Variants in YES1 observed in about 807,000 individuals in gnomAD.
YES1 encodes YES proto-oncogene 1, Src family tyrosine kinase.
YES1 carries 39 observed loss-of-function variants against 70.4 expected under a neutral mutation model. The ratio of observed to expected loss-of-function variants is 0.55; its 90% CI spans 0.43 to 0.72. The LOEUF (loss-of-function observed/expected upper bound fraction) is 0.72. Among genes scored for constraint, YES1 ranks in the 30% least tolerant of loss-of-function variants. The pLI, the probability that YES1 is intolerant of heterozygous loss-of-function variation, is 0.00. For missense variants in YES1, 495 were observed against 644.8 expected, an observed-to-expected ratio of 0.77 and a Z score of 2.52; for synonymous variants, 198 against 218.6, an observed-to-expected ratio of 0.91 and a Z score of 0.83.
rs533696717 is a variant in YES1, at chr18:802,490, G to A, written c.-9+9624C>T. On this transcript the variant is annotated intron_variant, in intron 1 of 11. Transcript: ENST00000314574. ...ACCTGGGAGGCAGAGGTTGCAGTGA[G>A]CGGAGACCACACTATTGCACCCCAG... Among the ~76,000 whole-genome samples, 51 of 150,774 alleles carry A rather than the reference G, an allele frequency of 3.4e-4. 1 individual carries two copies. The highest frequency in any genetic ancestry group is 1.2e-3 in the African/African-American group (50 of 40,930).
At chr18:777,978 G>GT (rs1905469823) in intron 1 of YES1, among the ~76,000 whole-genome samples, 1 of 152,090 alleles carries the variant, frequency 6.6e-6, no homozygotes, top group South Asian at 2.1e-4. Flanking sequence ...GTTGTACAGT[G>GT]TTACACTGTT....
At chr18:735,572 GGT>G (rs35119453) in intron 10 of YES1, among the ~76,000 whole-genome samples, 3,454 of 152,092 alleles carry the variant, frequency 0.023, 137 homozygotes, top group African/African-American at 0.079. Flanking sequence ...AAATTAGCTG[GGT>G]GTGGTGGTAC....
intron 1 of YES1, among the ~76,000 whole-genome samples, chr18:775,514 C>T (rs1373530572): frequency 1.3e-5 from 2 of 152,070 alleles, no homozygotes; most frequent in African/African-American, 4.8e-5. Context: ...AATGGAATCA[C>T]GGCCGGATGT....
intron 3 of YES1, among the ~76,000 whole-genome samples, chr18:749,172 G>GAAACA (rs1320223513): frequency 6.7e-6 from 1 of 150,162 alleles, no homozygotes; most frequent in Non-Finnish European, 1.5e-5. Context: ...AAAAAACAAA[G>GAAACA]AAACAAAACA....
chr18:732,435 T>TAA (rs11460599), intron 11 of YES1, among the ~76,000 whole-genome samples: 907 of 90,276 alleles, frequency 0.01, 16 homozygotes, highest in Middle Eastern at 0.033. Context: ...AGACTGTGTT[T>TAA]AAAAAAAAAA....
intron 1 of YES1, among the ~76,000 whole-genome samples, chr18:771,158 G>A (rs903845668): frequency 4.6e-5 from 7 of 151,862 alleles, no homozygotes; most frequent in Non-Finnish European, 8.8e-5. Context: ...TGAGGTCTCA[G>A]GAGTTCAAGA....
chr18:754,810 T>C (rs1218801044), intron 2 of YES1, among the ~76,000 whole-genome samples: 4 of 152,148 alleles, frequency 2.6e-5, no homozygotes, highest in Non-Finnish European at 5.9e-5. Flanking sequence ...AGTTAGTTCC[T>C]TCATAGCATT....
At position 746,065 on chromosome 18, in the gene YES1, A is replaced by C. The variant is rs1292829364; in HGVS notation, c.471-14T>G. The C allele has an allele frequency of 6.3e-7, 1 of 1,595,150 alleles. No homozygotes were observed. Among genetic ancestry groups the C allele is most frequent in the Non-Finnish European group, 8.6e-7 (1 of 1,166,502 alleles). ...CCAAAATACCATCTGGAAAAAAATT[A>C]AGTGTTTTGAATTGAAAAGTATGAG... On this transcript the variant is annotated splice_polypyrimidine_tract_variant and intron_variant, in intron 4 of 11. Coordinates refer to ENST00000314574, the MANE Select transcript of YES1 (RefSeq NM_005433.4).
intron 1 of YES1, among the ~76,000 whole-genome samples, chr18:800,499 G>A (rs1048531318): frequency 1.3e-5 from 2 of 152,122 alleles, no homozygotes; most frequent in Admixed American, 1.3e-4. Context: ...TAGATATTGT[G>A]GGATAATAAT....
In YES1 at chr18:789,391, G is replaced by C. The variant is rs766481034; in HGVS notation, c.-9+22723C>G. Among the ~76,000 whole-genome samples, 41 of 152,046 alleles carry C rather than the reference G, an allele frequency of 2.7e-4. 1 individual carries two copies. The highest frequency in any genetic ancestry group is 2.7e-3 in the Admixed American group (41 of 15,252). ...GAGCCCAGGAGTTCAAGATCAGCCT[G>C]GGCAACATAGGGAGAATCCTGTCTC... On this transcript the variant is annotated intron_variant, in intron 1 of 11. Transcript: ENST00000314574.
At chr18:732,442 A>AC (rs2080102311) in intron 11 of YES1, among the ~76,000 whole-genome samples, 1 of 143,456 alleles carries the variant, frequency 7.0e-6, no homozygotes. Context: ...GTTTAAAAAA[A>AC]AAAAAAAAAA....
rs2079970573 is a variant in YES1, at chr18:722,867, C to CT, written c.*1556_*1557insA. ...CAGCACTTTGGGAGGCCGAGGCGGG[C>CT]AGATCACAAGGTCAGGAGATCGAGA... is the stretch of plus-strand genomic sequence containing the variant. On this transcript the variant is annotated 3_prime_UTR_variant, in exon 12 of 12. Coordinates refer to ENST00000314574, the MANE Select transcript of YES1 (RefSeq NM_005433.4). The CT allele has an allele frequency of 6.6e-6, 1 of 152,076 alleles. No homozygotes were observed. The highest frequency in any genetic ancestry group is 1.5e-5 in the Non-Finnish European group (1 of 68,022). The allele number at this position is 152,076 out of a possible 1,614,324, so 9.4% of individuals were successfully genotyped here.
At chr18:788,812 G>T (rs1476049337) in intron 1 of YES1, among the ~76,000 whole-genome samples, 1 of 152,140 alleles carries the variant, frequency 6.6e-6, no homozygotes, top group East Asian at 1.9e-4. Context: ...TGTAGTGCCA[G>T]CTAGTTGGGA....
Position 753,364 on chromosome 18 carries a change from C to T in YES1, c.272-1560G>A, listed in dbSNP as rs1002431698. ...ACAATATATTGTTATTAACTGTGTT[C>T]TACAATAGATCTCTTGAACTTACTC... On this transcript the variant is annotated intron_variant, in intron 2 of 11. Transcript: ENST00000314574. 9.2e-5 allele frequency among the ~76,000 whole-genome samples: 14 copies of T among 152,186 alleles called. No homozygotes were observed. The East Asian group carries it at 2.1e-3, about 23-fold the overall frequency.
chr18:732,812 G>A (rs4084145), intron 11 of YES1, 22 bp downstream of exon 11: 3 of 1,613,828 alleles, frequency 1.9e-6, no homozygotes, highest in Middle Eastern at 1.6e-4. Context: ...AGATAACCAA[G>A]AGCTATAAAA....
intron 2 of YES1, among the ~76,000 whole-genome samples, chr18:755,445 T>C (rs1338823971): frequency 1.3e-5 from 2 of 152,060 alleles, no homozygotes; most frequent in Non-Finnish European, 2.9e-5. Flanking sequence ...TGAGACAGTG[T>C]TTTGCCATGT....
chr18:810,760 G>A (rs372166794), intron 1 of YES1, among the ~76,000 whole-genome samples: 2 of 152,084 alleles, frequency 1.3e-5, no homozygotes, highest in Admixed American at 6.5e-5. Flanking sequence ...AATTGTGGCA[G>A]GGGTCTCACA....
chr18:769,332 T>C (rs1371194403), intron 1 of YES1, among the ~76,000 whole-genome samples: 1 of 152,238 alleles, frequency 6.6e-6, no homozygotes, highest in Non-Finnish European at 1.5e-5. Context: ...AGTACTTTTA[T>C]AGGTTCTACA....
At chr18:778,733 G>T (rs1905507462) in intron 1 of YES1, among the ~76,000 whole-genome samples, 1 of 152,124 alleles carries the variant, frequency 6.6e-6, no homozygotes. Context: ...CGTAGTCTAT[G>T]ATTTTTCTCT....
Sources: gnomAD v4.1 joint callset for allele counts (sites outside exome capture counted in the v4.1 genomes callset) on GRCh38, gnomAD v4.1.1 for gene constraint, MANE v1.5 for transcripts, NCBI Gene and HGNC (gene_info 2026-07-23, HGNC 2026-07-21) for gene names.